Variants in CASP8 observed in about 807,000 individuals in gnomAD.
The protein encoded by CASP8 is caspase-8.
CASP8 carries 24 observed loss-of-function variants against 46.3 expected under a neutral mutation model. The ratio of observed to expected loss-of-function variants is 0.52; its 90% confidence interval spans 0.38 to 0.73. The LOEUF (loss-of-function observed/expected upper bound fraction) is 0.73. CASP8 is among the 30% of genes least tolerant of loss of function. The pLI is 0.00. For missense variants in CASP8, 460 were observed against 559.0 expected (o/e 0.82, Z 1.79); for synonymous variants, 188 against 200.4 (o/e 0.94, Z 0.52).
At chr2:201,286,417 T>A (rs34841024) in intron 8 of CASP8, 42 bp from the exon 9 acceptor site, 4 of 1,602,316 alleles carry the variant, frequency 2.5e-6, no homozygotes, top group Non-Finnish European at 2.6e-6. Flanking sequence ...CATCAGTTGC[T>A]TTCCCCCACA....
rs763746086 is a variant in CASP8 at position 201,286,423 on chromosome 2, CCA to C, written c.1305-33_1305-32del. ...GAGACAGTTCATCAGTTGCTTTCCC[CCA>C]CAGACAGTCACAATATTATGTGATG... On this transcript the variant is annotated intron_variant, in intron 8 of 8. Transcript: ENST00000673742. The C allele has an allele frequency of 6.2e-6, 10 of 1,607,146 alleles. No homozygotes were observed. In the East Asian group the frequency reaches 2.0e-4, roughly 32 times the overall value.
Position 201,279,682 on chromosome 2 carries a change from G to A in CASP8, c.802+2714G>A, listed in dbSNP as rs566870969. On this transcript the variant is annotated intron_variant, in intron 7 of 8. Transcript: ENST00000673742. ...CTCTAATACGAAAGAGAGGTAGCTT[G>A]GTACGGTGGCGTGAAAATCCAGCAC... Among the ~76,000 whole-genome samples, 9 of 152,332 alleles carry A rather than the reference G, an allele frequency of 5.9e-5. 1 individual carries two copies. The South Asian group carries it at 1.2e-3, about 21-fold the overall frequency.
At chr2:201,258,329 T>C (rs1185530380), upstream of CASP8, 19 of 1,613,986 alleles carry the variant, frequency 1.2e-5, no homozygotes, top group Non-Finnish European at 1.6e-5. Context: ...CACGTGGAGT[T>C]AGGCAGGTTA....
At chr2:201,244,630 A>T (rs1243912900) in intron 2 of CASP8, among the ~76,000 whole-genome samples, 2 of 152,222 alleles carry the variant, frequency 1.3e-5, no homozygotes, top group African/African-American at 4.8e-5. Flanking sequence ...CAAAGCAACA[A>T]AGCCACTTTA....
At chr2:201,235,817 C>T (rs561571095) in intron 2 of CASP8, among the ~76,000 whole-genome samples, 3 of 152,262 alleles carry the variant, frequency 2.0e-5, no homozygotes, top group East Asian at 1.9e-4. Flanking sequence ...GATTATAATA[C>T]GGTATTTTTA....
intron 2 of CASP8, among the ~76,000 whole-genome samples, chr2:201,253,750 A>C (rs1946890752): frequency 6.6e-6 from 1 of 152,072 alleles, no homozygotes; most frequent in Non-Finnish European, 1.5e-5. Context: ...GTGCCTCAAG[A>C]ATATTGGGGA....
chr2:201,264,333 A>G (rs935158191), intron 1 of CASP8, among the ~76,000 whole-genome samples: 1 of 152,138 alleles, frequency 6.6e-6, no homozygotes, highest in Non-Finnish European at 1.5e-5. Context: ...AGTTTATGTG[A>G]ATTTTATATT....
intron 6 of CASP8, 62 bp downstream of exon 6, chr2:201,275,015 G>T (rs2125294085): frequency 1.9e-5 from 23 of 1,182,594 alleles, no homozygotes; most frequent in Admixed American, 1.6e-4. Context: ...TAATTTGTTA[G>T]CTTTTTTTTT....
chr2:201,239,643 A>G (rs967071686), intron 2 of CASP8, among the ~76,000 whole-genome samples: 1 of 152,088 alleles, frequency 6.6e-6, no homozygotes, highest in African/African-American at 2.4e-5. Context: ...CTTTGGGTTC[A>G]TCTTGCTTTT....
At chr2:201,269,864 A>G (rs559596473) in intron 2 of CASP8, among the ~76,000 whole-genome samples, 1 of 152,342 alleles carries the variant, frequency 6.6e-6, no homozygotes, top group South Asian at 2.1e-4. Context: ...AGGCTTCAAT[A>G]ATGAGGAAAG....
intron 1 of CASP8, among the ~76,000 whole-genome samples, chr2:201,263,404 G>A (rs1372592955): frequency 6.6e-6 from 1 of 152,056 alleles, no homozygotes; most frequent in African/African-American, 2.4e-5. Flanking sequence ...ACTAAAGACA[G>A]GAAAGTACTT....
At chr2:201,259,612 C>A (rs979396597), upstream of CASP8, among the ~76,000 whole-genome samples, 1 of 152,186 alleles carries the variant, frequency 6.6e-6, no homozygotes, top group Non-Finnish European at 1.5e-5. Context: ...AGACAAAAGG[C>A]AGTTTCAAAG....
At position 201,245,328 on chromosome 2, in the gene CASP8, T is replaced by C. The variant is rs370863057; in HGVS notation, c.-27+11216T>C. Among the ~76,000 whole-genome samples the C allele has an allele frequency of 1.1e-4, 17 of 151,946 alleles. 1 individual carries two copies. The highest frequency in any genetic ancestry group is 4.1e-4 in the African/African-American group (17 of 41,456). ...TGGCTCAATCTCACTGCTACTTCCA[T>C]CTCCCAGGTTCAAGTGATTCTTATG... is the stretch of plus-strand genomic sequence containing the variant. On this transcript the variant is annotated intron_variant, in intron 2 of 6. Coordinates refer to the CASP8 transcript ENST00000264274.
chr2:201,244,461 G>A (rs535997869), intron 2 of CASP8, among the ~76,000 whole-genome samples: 3 of 152,172 alleles, frequency 2.0e-5, no homozygotes, highest in African/African-American at 4.8e-5. Flanking sequence ...AGGCGCTCAC[G>A]TTGGGGGAAT....
intron 2 of CASP8, among the ~76,000 whole-genome samples, chr2:201,247,978 CTA>C (rs1362376816): frequency 6.6e-6 from 1 of 151,996 alleles, no homozygotes; most frequent in Non-Finnish European, 1.5e-5. Flanking sequence ...GGGGGTCTCA[CTA>C]TGTTTGTCAG....
upstream of CASP8, among the ~76,000 whole-genome samples, chr2:201,256,221 T>C (rs909565183): frequency 3.9e-5 from 6 of 152,264 alleles, no homozygotes; most frequent in Admixed American, 3.3e-4. Context: ...TTGAGATTCA[T>C]GGCTATGCAT....
intron 2 of CASP8, chr2:201,241,846 G>A (rs1026558775): frequency 5.3e-5 from 8 of 152,178 alleles, no homozygotes; most frequent in South Asian, 2.1e-4. Context: ...TTAAATGATC[G>A]TACATCCTGA....
chr2:201,248,005 C>T (rs984439616), intron 2 of CASP8, among the ~76,000 whole-genome samples: 3 of 152,092 alleles, frequency 2.0e-5, no homozygotes, highest in Non-Finnish European at 4.4e-5. Context: ...GTCTTGGACT[C>T]CTGGCCTCAA....
chr2:201,252,412 A>G (rs968553593), intron 2 of CASP8, among the ~76,000 whole-genome samples: 2 of 152,112 alleles, frequency 1.3e-5, no homozygotes, highest in African/African-American at 4.8e-5. Flanking sequence ...AGTAGCTGGG[A>G]CTACAGGTGT....
Sources: gnomAD v4.1 joint callset for allele counts (sites outside exome capture counted in the v4.1 genomes callset) on GRCh38, gnomAD v4.1.1 for gene constraint, MANE v1.5 for transcripts, NCBI Gene and HGNC (gene_info 2026-07-23, HGNC 2026-07-21) for gene names.